Variants in MYO5B observed in about 807,000 individuals in gnomAD.
MYO5B encodes the protein unconventional myosin-Vb.
In MYO5B, 143 loss-of-function variants were observed where a neutral mutation model predicts 229.3. That is an observed-to-expected ratio of 0.62 (90% CI 0.54 to 0.72). The LOEUF (loss-of-function observed/expected upper bound fraction) is 0.72, where lower values mean the gene tolerates loss of function less well. MYO5B is among the 30% of genes least tolerant of loss of function. The pLI is 0.00. For synonymous variants in MYO5B, 918 were observed against 885.2 expected, an observed-to-expected ratio of 1.04 and a Z score of -0.66; for missense variants, 2,321 against 2,331.0, an observed-to-expected ratio of 1.00 and a Z score of 0.09.
intron 12 of MYO5B, among the ~76,000 whole-genome samples, chr18:49,955,796 C>T (rs1425865811): frequency 6.6e-6 from 1 of 152,104 alleles, no homozygotes. Flanking sequence ...TATTTGTCTC[C>T]AAGCATTCTG....
chr18:50,150,763 G>A (rs1389545943), intron 1 of MYO5B, among the ~76,000 whole-genome samples: 1 of 152,050 alleles, frequency 6.6e-6, no homozygotes, highest in African/African-American at 2.4e-5. Context: ...CAGTGCACCA[G>A]CACGTCACAT....
chr18:49,891,648 T>C (rs1395747126), intron 22 of MYO5B, among the ~76,000 whole-genome samples: 1 of 152,210 alleles, frequency 6.6e-6, no homozygotes, highest in African/African-American at 2.4e-5. Context: ...TGAGTCCTGG[T>C]GCTGCTGAGA....
intron 21 of MYO5B, among the ~76,000 whole-genome samples, chr18:49,896,030 C>A (rs554027743): frequency 2.0e-5 from 3 of 152,334 alleles, no homozygotes; most frequent in Admixed American, 6.5e-5. Context: ...TTGCTCTGGT[C>A]TGTAGGAGCG....
intron 18 of MYO5B, among the ~76,000 whole-genome samples, chr18:49,910,568 T>TA (rs879465681): frequency 1.8e-3 from 255 of 142,472 alleles, no homozygotes; most frequent in South Asian, 7.7e-3. Context: ...TTACCCTGTT[T>TA]AAAAAAAAAA....
Position 50,137,626 on chromosome 18 carries a change from A to G in MYO5B, c.27+57141T>C, listed in dbSNP as rs556189994. 6.6e-5 allele frequency among the ~76,000 whole-genome samples: 10 copies of G among 152,322 alleles called. No homozygotes were observed. In the East Asian group the frequency reaches 1.7e-3, roughly 26 times the overall value. ...CACCATTCAACTCAGCAATCCCACT[A>G]CTAGATATATACCCAGAGGAATGTA... On this transcript the variant is annotated intron_variant, in intron 1 of 39. Transcript: ENST00000285039.
chr18:50,148,706 G>A (rs913625114), intron 1 of MYO5B, among the ~76,000 whole-genome samples: 1 of 151,064 alleles, frequency 6.6e-6, no homozygotes, highest in Non-Finnish European at 1.5e-5. Flanking sequence ...AGCTATCTAT[G>A]ACAAACCCAC....
intron 10 of MYO5B, among the ~76,000 whole-genome samples, chr18:49,965,484 C>CACACACACACACA (rs3221123): frequency 6.7e-6 from 1 of 148,756 alleles, no homozygotes; most frequent in African/African-American, 2.5e-5. Context: ...CACACACACA[C>CACACACACACACA]CTCTTCTCAT....
chr18:50,023,646 T>C (rs2026300632), intron 4 of MYO5B, among the ~76,000 whole-genome samples: 1 of 152,144 alleles, frequency 6.6e-6, no homozygotes, highest in African/African-American at 2.4e-5. Flanking sequence ...AGAATGCTAA[T>C]GAGATGAGGA....
At chr18:50,175,892 C>T (rs1464225348) in intron 1 of MYO5B, among the ~76,000 whole-genome samples, 1 of 152,230 alleles carries the variant, frequency 6.6e-6, no homozygotes, top group Non-Finnish European at 1.5e-5. Context: ...GCTAAGTCCA[C>T]CTTCCCACAA....
intron 1 of MYO5B, among the ~76,000 whole-genome samples, chr18:50,087,542 T>A (rs1161007102): frequency 7.2e-6 from 1 of 138,920 alleles, no homozygotes; most frequent in Non-Finnish European, 1.5e-5. Context: ...CACTGCACTC[T>A]AGCCTGGGTG....
chr18:50,080,655 A>G (rs971412173), intron 1 of MYO5B, among the ~76,000 whole-genome samples: 5 of 152,310 alleles, frequency 3.3e-5, no homozygotes, highest in Middle Eastern at 3.4e-3. Flanking sequence ...AAACTGAAAA[A>G]GCCTATTGAA....
chr18:49,851,897 C>G (rs1461881797), intron 31 of MYO5B, among the ~76,000 whole-genome samples: 1 of 152,204 alleles, frequency 6.6e-6, no homozygotes, highest in African/African-American at 2.4e-5. Context: ...CCTGCTGCAG[C>G]TGGCTCTCCT....
At chr18:50,085,944 T>C (rs2031320092) in intron 1 of MYO5B, among the ~76,000 whole-genome samples, 1 of 151,968 alleles carries the variant, frequency 6.6e-6, no homozygotes, top group Non-Finnish European at 1.5e-5. Flanking sequence ...AGGGATAGCA[T>C]TAGGAGATAT....
intron 1 of MYO5B, among the ~76,000 whole-genome samples, chr18:50,088,303 G>A (rs1025372563): frequency 1.3e-5 from 2 of 152,206 alleles, no homozygotes; most frequent in Admixed American, 1.3e-4. Context: ...AGACAAAGGT[G>A]AGATTGGAAC....
At chr18:50,037,167 T>C (rs1375947751) in intron 3 of MYO5B, among the ~76,000 whole-genome samples, 173 bp from the exon 4 acceptor site, 1 of 151,410 alleles carries the variant, frequency 6.6e-6, no homozygotes, top group Non-Finnish European at 1.5e-5. Context: ...GCTTCAGATC[T>C]CCAAATACCC....
chr18:50,078,751 A>G (rs2031146514), intron 1 of MYO5B, among the ~76,000 whole-genome samples: 2 of 152,200 alleles, frequency 1.3e-5, no homozygotes, highest in African/African-American at 4.8e-5. Context: ...ACATGCCCAA[A>G]AGCAATGCAC....
chr18:49,937,255 A>G lies in MYO5B; in HGVS notation c.1895T>C (p.Val632Ala), dbSNP rs568535014. Reference protein sequence around the residue: ...KVSNKEHKKTVGHQFRTSLHL... With the variant: ...KVSNKEHKKTAGHQFRTSLHL... ...TGGTCCGGGGCTGACCTGGTGGCCA[A>G]CGGTTTTCTTGTGCTCCTTGTTGGA... The change falls in exon 15 of 40, where the codon GTT (valine) becomes GCT (alanine). Residue 632 changes from valine to alanine, a missense_variant. Around this residue, in one of 2 missense-constraint regions of MYO5B, gnomAD observed 2,113 missense variants for 2,044.7 expected, o/e 1.03. Coordinates refer to ENST00000285039, the MANE Select transcript of MYO5B (RefSeq NM_001080467.3). 10 of 1,614,080 alleles carry G rather than the reference A, an allele frequency of 6.2e-6. No homozygotes were observed. The South Asian group carries it at 8.8e-5, about 14-fold the overall frequency.
intron 19 of MYO5B, among the ~76,000 whole-genome samples, chr18:49,905,418 T>A (rs1167631923): frequency 6.6e-6 from 1 of 152,138 alleles, no homozygotes; most frequent in Non-Finnish European, 1.5e-5. Flanking sequence ...ACCTCCCAGA[T>A]AAAGCCAGTC....
chr18:50,139,416 C>T (rs2032384106), intron 1 of MYO5B, among the ~76,000 whole-genome samples: 1 of 152,228 alleles, frequency 6.6e-6, no homozygotes, highest in Admixed American at 6.5e-5. Context: ...CCCAACTTTA[C>T]TTCTGTTCCA....
Sources: gnomAD v4.1 joint callset for allele counts (sites outside exome capture counted in the v4.1 genomes callset) on GRCh38, gnomAD v4.1.1 for gene constraint, gnomAD v4.1.1 regional missense constraint, MANE v1.5 for transcripts, NCBI Gene and HGNC (gene_info 2026-07-23, HGNC 2026-07-21) for gene names.